The following ARHGAP24 variants were observed in gnomAD, a reference collection of about 807,000 sequenced individuals.
ARHGAP24 encodes the protein Rho GTPase activating protein 24, also known as rho GTPase-activating protein 24.
Under a neutral mutation model 76.4 loss-of-function variants are expected in ARHGAP24, and 50 were observed. The ratio of observed to expected loss-of-function variants is 0.65; its 90% CI spans 0.52 to 0.83. The LOEUF is 0.83. Ranked by LOEUF, ARHGAP24 falls within the 40% of genes least tolerant of loss-of-function variation. The pLI is 0.00. For synonymous variants in ARHGAP24, 345 were observed against 323.3 expected, an observed-to-expected ratio of 1.07 and a Z score of -0.72; for missense variants, 930 against 914.2, an observed-to-expected ratio of 1.02 and a Z score of -0.22.
intron 5 of ARHGAP24, among the ~76,000 whole-genome samples, chr4:85,955,377 A>AAAAAC (rs879453677): frequency 6.6e-5 from 10 of 152,114 alleles, no homozygotes; most frequent in South Asian, 2.1e-4. Flanking sequence ...CTGGGTAGCT[A>AAAAAC]AAAACAAAAC....
chr4:85,944,553 G>T (rs963622813), intron 5 of ARHGAP24, among the ~76,000 whole-genome samples: 4 of 152,134 alleles, frequency 2.6e-5, no homozygotes, highest in African/African-American at 7.2e-5. Context: ...CTTTTGTTGT[G>T]CAGAAGCTCT....
chr4:85,969,561 G>T (rs1042800062), intron 5 of ARHGAP24, among the ~76,000 whole-genome samples: 1 of 152,126 alleles, frequency 6.6e-6, no homozygotes, highest in Non-Finnish European at 1.5e-5. Context: ...TCTGAGTCAT[G>T]ATGGTAGATT....
At chr4:85,666,336 G>A (rs558857813) in intron 2 of ARHGAP24, among the ~76,000 whole-genome samples, 6 of 151,478 alleles carry the variant, frequency 4.0e-5, no homozygotes, top group East Asian at 3.9e-4. Context: ...CATTCTTCAC[G>A]TAGTTCTCAA....
chr4:85,927,070 A>C (rs1736061056), intron 4 of ARHGAP24, among the ~76,000 whole-genome samples: 1 of 152,228 alleles, frequency 6.6e-6, no homozygotes, highest in Non-Finnish European at 1.5e-5. Context: ...TTAGAAAAAA[A>C]AATCTGAAAC....
At chr4:85,921,377 G>A (rs1273830195) in intron 3 of ARHGAP24, among the ~76,000 whole-genome samples, 2 of 152,056 alleles carry the variant, frequency 1.3e-5, no homozygotes, top group Admixed American at 6.6e-5. Flanking sequence ...ACTGACTGGG[G>A]CCTATCAAAG....
At chr4:85,567,368 G>A (rs1391807353) in intron 1 of ARHGAP24, among the ~76,000 whole-genome samples, 2 of 152,154 alleles carry the variant, frequency 1.3e-5, no homozygotes, top group African/African-American at 2.4e-5. Flanking sequence ...GAAGCCAAAA[G>A]GATGGATTTG....
intron 2 of ARHGAP24, among the ~76,000 whole-genome samples, chr4:85,666,028 C>T (rs1271912873): frequency 2.6e-5 from 4 of 152,212 alleles, no homozygotes; most frequent in East Asian, 1.9e-4. Context: ...ATCTTTGTGG[C>T]CTTCTCTGTA....
At chr4:85,772,621 G>C (rs1285890705) in intron 3 of ARHGAP24, among the ~76,000 whole-genome samples, 1 of 152,168 alleles carries the variant, frequency 6.6e-6, no homozygotes, top group Non-Finnish European at 1.5e-5. Context: ...AGTATAGTGT[G>C]TGAATAAGTC....
intron 1 of ARHGAP24, among the ~76,000 whole-genome samples, chr4:85,558,464 A>G (rs1380722559): frequency 2.0e-5 from 3 of 152,206 alleles, no homozygotes; most frequent in South Asian, 2.1e-4. Flanking sequence ...TGTTCAAATT[A>G]TATGTGAATA....
intron 9 of ARHGAP24, among the ~76,000 whole-genome samples, chr4:85,997,329 TA>T (rs1740722029): frequency 2.8e-5 from 4 of 141,338 alleles, no homozygotes; most frequent in African/African-American, 5.8e-5. Context: ...AGATAGATGA[TA>T]GATAGATAGA....
chr4:85,680,863 C>A (rs918870087), intron 2 of ARHGAP24, among the ~76,000 whole-genome samples: 2 of 151,266 alleles, frequency 1.3e-5, no homozygotes, highest in Non-Finnish European at 2.9e-5. Flanking sequence ...TCACAGCCTT[C>A]CTGAAGCTTA....
At chr4:85,943,980 T>C (rs1737100836) in intron 5 of ARHGAP24, among the ~76,000 whole-genome samples, 2 of 152,144 alleles carry the variant, frequency 1.3e-5, no homozygotes, top group African/African-American at 2.4e-5. Flanking sequence ...TACCCAGTAA[T>C]GGGATTGCTG....
At chr4:85,730,254 G>A (rs565814942) in intron 3 of ARHGAP24, among the ~76,000 whole-genome samples, 2 of 152,174 alleles carry the variant, frequency 1.3e-5, no homozygotes, top group African/African-American at 2.4e-5. Context: ...GAGATGGGAT[G>A]TGCCTAGCAT....
chr4:85,844,694 G>C (rs923805751), intron 3 of ARHGAP24, among the ~76,000 whole-genome samples: 4 of 152,316 alleles, frequency 2.6e-5, no homozygotes, highest in Admixed American at 2.0e-4. Flanking sequence ...GTTGTACTTA[G>C]TTTTAAATAA....
At chr4:85,996,345 T>C (rs1000776578) in intron 9 of ARHGAP24, among the ~76,000 whole-genome samples, 8 of 152,168 alleles carry the variant, frequency 5.3e-5, no homozygotes, top group Non-Finnish European at 1.0e-4. Flanking sequence ...AAGAATATGA[T>C]TTATAAAGAA....
intron 3 of ARHGAP24, among the ~76,000 whole-genome samples, chr4:85,904,419 A>T (rs1201902431): frequency 6.6e-6 from 1 of 152,218 alleles, no homozygotes; most frequent in East Asian, 1.9e-4. Flanking sequence ...TGCGCCCATT[A>T]TTGGAACACT....
intron 1 of ARHGAP24, among the ~76,000 whole-genome samples, chr4:85,476,917 C>A (rs1722621564): frequency 6.6e-6 from 1 of 152,144 alleles, no homozygotes; most frequent in Non-Finnish European, 1.5e-5. Flanking sequence ...TAAAAGTTAC[C>A]ATTTTATCTT....
intron 3 of ARHGAP24, among the ~76,000 whole-genome samples, chr4:85,834,235 G>A (rs1262934112): frequency 6.6e-6 from 1 of 152,104 alleles, no homozygotes; most frequent in Non-Finnish European, 1.5e-5. Flanking sequence ...GATCATCACA[G>A]AATGAAGACC....
intron 2 of ARHGAP24, among the ~76,000 whole-genome samples, chr4:85,574,093 GTT>G (rs1191510164): frequency 6.6e-6 from 1 of 151,820 alleles, no homozygotes; most frequent in African/African-American, 2.4e-5. Flanking sequence ...CTTGCTTTTT[GTT>G]TTTTTACTTT....
Sources: allele counts gnomAD v4.1 joint callset (sites outside exome capture counted in the v4.1 genomes callset), GRCh38; gene constraint gnomAD v4.1.1; transcripts MANE v1.5; gene names NCBI Gene and HGNC (gene_info 2026-07-23, HGNC 2026-07-21).